Variants in DMD observed in about 807,000 individuals in gnomAD.
DMD encodes dystrophin, also known as mutant dystrophin.
DMD carries 63 observed loss-of-function variants against 330.1 expected under a neutral mutation model. That is an observed-to-expected ratio of 0.19 (90% CI 0.16 to 0.24). DMD has a LOEUF of 0.24. DMD is among the 10% of genes least tolerant of loss of function. DMD has a pLI of 1.00. For missense variants in DMD, 3,344 were observed against 2,684.1 expected, an observed-to-expected ratio of 1.25 and a Z score of -5.43; for synonymous variants, 1,223 against 959.8, an observed-to-expected ratio of 1.27 and a Z score of -5.07.
intron 1 of DMD, among the ~76,000 whole-genome samples, chrX:33,097,437 G>C (rs1322878964): frequency 9.1e-6 from 1 of 110,154 alleles, no homozygotes; most frequent in Non-Finnish European, 1.9e-5. Context: ...ACCAGTGAAA[G>C]GGATATGGAA....
At chrX:31,523,140 G>A (rs2072982531) in intron 55 of DMD, among the ~76,000 whole-genome samples, 1 of 111,145 alleles carries the variant, frequency 9.0e-6, no homozygotes, top group African/African-American at 3.3e-5. Context: ...TTTCTTAGAA[G>A]TTCCCAAGTG....
chrX:32,431,431 T>C (rs1227221084), intron 29 of DMD, among the ~76,000 whole-genome samples: 1 of 111,103 alleles, frequency 9.0e-6, no homozygotes, highest in East Asian at 2.8e-4. Context: ...AATTTTTTTA[T>C]ATTGAATAAT....
chrX:32,324,474 A>AT lies in DMD; in HGVS notation c.5923-14199dup, dbSNP rs765271636. Among the ~76,000 whole-genome samples the AT allele has an allele frequency of 2.7e-5, 3 of 111,478 alleles. No homozygotes were observed. In the South Asian group the frequency reaches 1.1e-3, roughly 42 times the overall value. Reference sequence around the variant, plus strand: ...TGCGTTAATGGTGATTTAGAAAACCATTTTTTAAAAAGTGAAAGTCAAAAT... The same window carrying AT: ...TGCGTTAATGGTGATTTAGAAAACCATTTTTTTAAAAAGTGAAAGTCAAAAT... On this transcript the variant is annotated intron_variant, in intron 41 of 78. Transcript: ENST00000357033.
intron 13 of DMD, among the ~76,000 whole-genome samples, chrX:32,585,487 G>C (rs2054139935): frequency 2.8e-5 from 3 of 108,996 alleles, no homozygotes; most frequent in African/African-American, 9.9e-5. Context: ...GGATCACGAG[G>C]TCAGGAGATC....
intron 62 of DMD, among the ~76,000 whole-genome samples, chrX:31,298,287 C>T (rs1348119298): frequency 9.0e-6 from 1 of 111,312 alleles, no homozygotes; most frequent in African/African-American, 3.3e-5. Flanking sequence ...GATTTAGAAG[C>T]AGCTGGTAGG....
At chrX:31,527,731 T>C (rs1304261105) in intron 55 of DMD, among the ~76,000 whole-genome samples, 3 of 111,619 alleles carry the variant, frequency 2.7e-5, no homozygotes, top group Non-Finnish European at 5.6e-5. Flanking sequence ...CGTCTAGATT[T>C]CAACCTCCTG....
intron 55 of DMD, among the ~76,000 whole-genome samples, chrX:31,572,498 A>G (rs1312043892): frequency 8.9e-6 from 1 of 112,267 alleles, no homozygotes; most frequent in Admixed American, 9.4e-5. Context: ...TGGACACAAA[A>G]TAATTTTTCT....
chrX:33,080,107 T>G (rs1215037756), intron 1 of DMD, among the ~76,000 whole-genome samples: 4 of 112,576 alleles, frequency 3.6e-5, no homozygotes, highest in Non-Finnish European at 7.5e-5. Context: ...TCTCATAAAC[T>G]TTTTAGAACG....
At chrX:32,084,766 A>C (rs2096418445) in intron 44 of DMD, among the ~76,000 whole-genome samples, 1 of 111,351 alleles carries the variant, frequency 9.0e-6, no homozygotes, top group South Asian at 3.9e-4. Flanking sequence ...GGATTACGGA[A>C]TTCAGGAAAC....
At chrX:32,802,043 G>A in intron 7 of DMD, among the ~76,000 whole-genome samples, 1 of 111,944 alleles carries the variant, frequency 8.9e-6, no homozygotes, top group East Asian at 2.8e-4. Context: ...CTAATTCTGT[G>A]AAGAAAGTGA....
At chrX:32,577,227 A>T (rs753011635) in intron 13 of DMD, among the ~76,000 whole-genome samples, 1 of 111,967 alleles carries the variant, frequency 8.9e-6, no homozygotes. Flanking sequence ...ATACAGGAAC[A>T]AGGCATTCAT....
chrX:32,920,933 G>T lies in DMD; in HGVS notation c.94-71113C>A, dbSNP rs140179987. Among the ~76,000 whole-genome samples, 563 of 111,772 alleles carry T rather than the reference G, an allele frequency of 5.0e-3. 3 individuals are homozygous for T. The highest frequency in any genetic ancestry group is 0.017 in the African/African-American group (536 of 30,816). On this transcript the variant is annotated intron_variant, in intron 2 of 78. Coordinates refer to ENST00000357033, the MANE Select transcript of DMD (RefSeq NM_004006.3). ...CATAGTCAAAGAAGGTGTTTTTTTG[G>T]ATGTGCAATTAAACAGATTTGAAGG...
chrX:32,725,194 G>A (rs911471183), intron 7 of DMD, among the ~76,000 whole-genome samples: 2 of 110,965 alleles, frequency 1.8e-5, no homozygotes, highest in African/African-American at 6.5e-5. Flanking sequence ...TAATATATAA[G>A]GGTGTTCCAG....
At chrX:33,047,193 C>T (rs1331477384) in intron 1 of DMD, among the ~76,000 whole-genome samples, 1 of 112,063 alleles carries the variant, frequency 8.9e-6, no homozygotes, top group Non-Finnish European at 1.9e-5. Context: ...ATTATTAACC[C>T]AATAGCAGGT....
chrX:32,656,449 T>A, intron 9 of DMD, among the ~76,000 whole-genome samples: 1 of 112,186 alleles, frequency 8.9e-6, no homozygotes, highest in East Asian at 2.8e-4. Context: ...ATTTTTTAGT[T>A]CATCCATCCT....
intron 1 of DMD, among the ~76,000 whole-genome samples, chrX:33,176,097 G>A (rs2148718252): frequency 9.0e-6 from 1 of 111,338 alleles, no homozygotes; most frequent in African/African-American, 3.3e-5. Flanking sequence ...AGACATCTGA[G>A]GAGGAACAAA....
chrX:33,295,243 G>A (rs2053567877), intron 1 of DMD, among the ~76,000 whole-genome samples: 1 of 111,106 alleles, frequency 9.0e-6, no homozygotes, highest in Admixed American at 9.6e-5. Context: ...GAGGTTATTT[G>A]TATCCTTTTA....
intron 2 of DMD, among the ~76,000 whole-genome samples, chrX:32,939,759 A>C (rs2146798007): frequency 9.0e-6 from 1 of 111,603 alleles, no homozygotes; most frequent in African/African-American, 3.2e-5. Context: ...ACATACCAGT[A>C]ATTTTCAAGC....
intron 47 of DMD, among the ~76,000 whole-genome samples, chrX:31,906,330 A>T (rs1230454272): frequency 1.5e-4 from 17 of 112,209 alleles, no homozygotes; most frequent in Admixed American, 1.2e-3. Context: ...TAGCAGTGTG[A>T]GAACAGACTG....
Sources: gnomAD v4.1 joint callset for allele counts (sites outside exome capture counted in the v4.1 genomes callset) on GRCh38, gnomAD v4.1.1 for gene constraint, MANE v1.5 for transcripts, NCBI Gene and HGNC (gene_info 2026-07-23, HGNC 2026-07-21) for gene names.